DIXDC1: variants seen among roughly 807,000 people sequenced by gnomAD.
DIXDC1 encodes the protein DIX domain containing 1, also known as dixin.
Under a neutral mutation model 103.1 loss-of-function variants are expected in DIXDC1, and 64 were observed. That is an observed-to-expected ratio of 0.62 (90% CI 0.51 to 0.76). The LOEUF (loss-of-function observed/expected upper bound fraction) is 0.76. DIXDC1 is among the 30% of genes least tolerant of loss of function. DIXDC1 has a pLI of 0.00. For synonymous variants in DIXDC1, 266 were observed against 298.5 expected, an observed-to-expected ratio of 0.89 and a Z score of 1.12; for missense variants, 759 against 834.2, an observed-to-expected ratio of 0.91 and a Z score of 1.11.
chr11:112,013,313 T>G (rs1861480839), intron 17 of DIXDC1, among the ~76,000 whole-genome samples: 1 of 1,142 alleles, frequency 8.8e-4, no homozygotes, highest in Non-Finnish European at 1.6e-3. Flanking sequence ...AGTTGACGGG[T>G]CGGGGGGTGG....
At chr11:111,937,631 C>A in intron 1 of DIXDC1, 72 bp downstream of exon 1, 1 of 1,379,508 alleles carries the variant, frequency 7.2e-7, no homozygotes, top group South Asian at 1.3e-5. Flanking sequence ...CGGAAGGGGT[C>A]CTCCTCCTCC....
At chr11:111,943,487 CTTT>C (rs1161024928) in intron 1 of DIXDC1, among the ~76,000 whole-genome samples, 3,570 of 113,268 alleles carry the variant, frequency 0.032, 59 homozygotes, top group African/African-American at 0.12. Context: ...TTCTTTCTCT[CTTT>C]TTTTTTTTTT....
At chr11:111,994,452 CATACACACAT>C (rs1338266189) in intron 14 of DIXDC1, among the ~76,000 whole-genome samples, 1 of 151,268 alleles carries the variant, frequency 6.6e-6, no homozygotes, top group Admixed American at 6.6e-5. Context: ...CATATATATA[CATACACACAT>C]ATACACATAT....
At chr11:111,962,482 C>CA (rs201060749) in intron 1 of DIXDC1, among the ~76,000 whole-genome samples, 4,564 of 147,404 alleles carry the variant, frequency 0.031, 233 homozygotes, top group African/African-American at 0.11. Flanking sequence ...ACTCCATCTC[C>CA]AAGAAAAAAA....
intron 7 of DIXDC1, among the ~76,000 whole-genome samples, chr11:111,982,901 A>G (rs1440392157): frequency 6.6e-6 from 1 of 152,248 alleles, no homozygotes; most frequent in Non-Finnish European, 1.5e-5. Flanking sequence ...TAATGCTGCC[A>G]GGTTTCCATT....
intron 6 of DIXDC1, among the ~76,000 whole-genome samples, chr11:111,981,387 G>A (rs1860302338): frequency 6.6e-6 from 1 of 152,214 alleles, no homozygotes; most frequent in Admixed American, 6.5e-5. Flanking sequence ...AAACATGCAA[G>A]AAGCAAAGTG....
rs1455692885 is a variant in DIXDC1 at position 111,998,629 on chromosome 11, T to C, written c.1756+2483T>C. Reference sequence around the variant, plus strand: ...CGTGATCTCGACTCACTGCAAGCTCTGCCTCCAGGGTTCAAGTGATTCTCC... The same window carrying C: ...CGTGATCTCGACTCACTGCAAGCTCCGCCTCCAGGGTTCAAGTGATTCTCC... On this transcript the variant is annotated intron_variant, in intron 17 of 19. Coordinates refer to ENST00000440460, the MANE Select transcript of DIXDC1 (RefSeq NM_001037954.4). The surrounding 1 kb of genome is among the most constrained non-coding windows in gnomAD (Gnocchi z 4.1). 6.6e-6 allele frequency among the ~76,000 whole-genome samples: 1 copy of C among 152,134 alleles called. No homozygotes were observed. Among genetic ancestry groups the C allele is most frequent in the Non-Finnish European group, 1.5e-5 (1 of 68,032 alleles).
At chr11:111,929,820 G>T in exon 2 of DIXDC1, 1 of 1,492,010 alleles carries the variant, frequency 6.7e-7, no homozygotes, top group Non-Finnish European at 9.0e-7. Context: ...TGTTTTAGAT[G>T]GCCCTGATTC....
chr11:111,944,989 A>T (rs1555169222), intron 1 of DIXDC1, among the ~76,000 whole-genome samples: 2 of 152,230 alleles, frequency 1.3e-5, no homozygotes, highest in Admixed American at 6.5e-5. Context: ...TTAAAAAATT[A>T]GTTCGGTTAC....
At position 112,020,056 on chromosome 11, in the gene DIXDC1, G is replaced by A. The variant is rs1240874244; in HGVS notation, c.*1020G>A. On this transcript the variant is annotated 3_prime_UTR_variant, in exon 20 of 20. Coordinates refer to ENST00000440460, the MANE Select transcript of DIXDC1 (RefSeq NM_001037954.4). ...TTCTATTTATGTATTAGTCTAGGCT[G>A]ATCTTTTAGGGCACAATAGAAACCA... 6.6e-6 allele frequency: 1 copy of A among 152,144 alleles called. No individual in the cohort carries two copies. Among genetic ancestry groups the A allele is most frequent in the African/African-American group, 2.4e-5 (1 of 41,426 alleles). The allele number at this position is 152,144 out of a possible 1,614,324, so 9.4% of individuals were successfully genotyped here. A position where few individuals can be genotyped will look rare whatever the true frequency, so the allele number is the denominator to read the frequency against.
rs1182860486 is a variant in DIXDC1, at chr11:111,989,992, G to A, written c.1113+937G>A. Among the ~76,000 whole-genome samples the A allele has an allele frequency of 4.7e-5, 7 of 150,228 alleles. No individual in the cohort carries two copies. In the East Asian group the frequency reaches 6.0e-4, roughly 13 times the overall value. On this transcript the variant is annotated intron_variant, in intron 10 of 19. Coordinates refer to ENST00000440460, the MANE Select transcript of DIXDC1 (RefSeq NM_001037954.4). ...TTTTTAGTAGAGACGGGGTTTCACC[G>A]TGTTAGCCAGGATGGTCTCCATCTC... is the stretch of plus-strand genomic sequence containing the variant.
intron 2 of DIXDC1, among the ~76,000 whole-genome samples, chr11:111,966,552 C>T (rs587753630): frequency 4.4e-4 from 67 of 151,942 alleles, no homozygotes; most frequent in African/African-American, 1.5e-3. Context: ...TACAGGCGCC[C>T]GCCACCGCGC....
At chr11:111,983,300 C>T (rs774362089) in intron 7 of DIXDC1, among the ~76,000 whole-genome samples, 5 of 152,222 alleles carry the variant, frequency 3.3e-5, no homozygotes, top group African/African-American at 1.2e-4. Context: ...GGAGGGCGTG[C>T]TCCCAGCTAG....
intron 17 of DIXDC1, chr11:112,015,997 G>C (rs1277314604): frequency 2.6e-5 from 4 of 151,206 alleles, no homozygotes; most frequent in Admixed American, 6.6e-5. Context: ...TTTTAGTAGA[G>C]ATGGGGTTTC....
intron 1 of DIXDC1, 132 bp downstream of exon 1, chr11:111,937,691 G>C: frequency 1.1e-6 from 1 of 874,678 alleles, no homozygotes; most frequent in Non-Finnish European, 1.8e-6. Context: ...CCCCAAAGGG[G>C]CTAAGGTGGT....
chr11:111,975,559 A>G, intron 5 of DIXDC1: 1 of 986,070 alleles, frequency 1.0e-6, no homozygotes, highest in Non-Finnish European at 1.2e-6. Context: ...AACAGGATAC[A>G]GTGCCCTAAT....
At chr11:111,956,786 G>A (rs369729451) in intron 1 of DIXDC1, among the ~76,000 whole-genome samples, 9 of 151,952 alleles carry the variant, frequency 5.9e-5, no homozygotes, top group African/African-American at 2.2e-4. Flanking sequence ...CACCATGCCC[G>A]GCCTAAAATA....
intron 1 of DIXDC1, among the ~76,000 whole-genome samples, chr11:111,937,779 CTGGT>C (rs1966267844): frequency 6.6e-6 from 1 of 152,228 alleles, no homozygotes; most frequent in South Asian, 2.1e-4. Flanking sequence ...ATGACCTTCC[CTGGT>C]AGCTTACCTG....
intron 2 of DIXDC1, among the ~76,000 whole-genome samples, chr11:111,965,422 C>T (rs1009352069): frequency 6.6e-6 from 1 of 152,150 alleles, no homozygotes; most frequent in South Asian, 2.1e-4. Flanking sequence ...AATAGGTTCT[C>T]AAACATTTAT....
Sources: allele counts gnomAD v4.1 joint callset (sites outside exome capture counted in the v4.1 genomes callset), GRCh38; gene constraint gnomAD v4.1.1; non-coding constraint Gnocchi (gnomAD v3.1); transcripts MANE v1.5; gene names NCBI Gene and HGNC (gene_info 2026-07-23, HGNC 2026-07-21).